The following TAB2 variants were observed in gnomAD, a reference collection of about 807,000 sequenced individuals.
The protein encoded by TAB2 is TGF-beta-activated kinase 1 and MAP3K7-binding protein 2.
Under a neutral mutation model 65.0 loss-of-function variants are expected in TAB2, and 3 were observed. The ratio of observed to expected loss-of-function variants is 0.05; its 90% confidence interval spans 0.02 to 0.12. The LOEUF is 0.12. Ranked by LOEUF, TAB2 falls within the 10% of genes least tolerant of loss-of-function variation. The pLI, the probability that TAB2 is intolerant of heterozygous loss-of-function variation, is 1.00. For missense variants in TAB2, 623 were observed against 840.3 expected, an observed-to-expected ratio of 0.74 and a Z score of 3.20; for synonymous variants, 298 against 285.1, an observed-to-expected ratio of 1.05 and a Z score of -0.46.
chr6:149,405,170 C>T (rs7775463), intron 6 of TAB2, among the ~76,000 whole-genome samples: 2 of 152,140 alleles, frequency 1.3e-5, no homozygotes, highest in African/African-American at 4.8e-5. Flanking sequence ...AAGGTACTCA[C>T]CCTCACTAAT....
intron 3 of TAB2, among the ~76,000 whole-genome samples, chr6:149,392,738 G>T (rs1282492182): frequency 6.6e-6 from 1 of 152,178 alleles, no homozygotes; most frequent in Non-Finnish European, 1.5e-5. Context: ...TTGGTGGATT[G>T]TACCTTTTTC....
intron 1 of TAB2, among the ~76,000 whole-genome samples, chr6:149,221,602 C>G (rs1353187581): frequency 6.6e-6 from 1 of 152,210 alleles, no homozygotes; most frequent in African/African-American, 2.4e-5. Context: ...CTTTTTCTGT[C>G]CCTGTCCTTC....
chr6:149,326,520 G>A (rs1321597304), intron 1 of TAB2, among the ~76,000 whole-genome samples: 1 of 151,116 alleles, frequency 6.6e-6, no homozygotes, highest in East Asian at 1.9e-4. Flanking sequence ...TAAGGTACAT[G>A]TTGGTCTTTT....
chr6:149,276,867 A>C (rs2114681645), intron 1 of TAB2, among the ~76,000 whole-genome samples: 1 of 152,298 alleles, frequency 6.6e-6, no homozygotes, highest in African/African-American at 2.4e-5. Context: ...TCCCCACCCA[A>C]ATATCATCTT....
rs751828894 is a variant in TAB2 at position 149,397,804 on chromosome 6, TGA to T, written c.1764+44_1764+45del. On this transcript the variant is annotated intron_variant, in intron 4 of 6. Coordinates refer to ENST00000637181, the MANE Select transcript of TAB2 (RefSeq NM_001292034.3). ...AACTGTTGTGATCTCTGCTTGAACA[TGA>T]GAGTAGGCCATCTAACATAAGTGTA... 4.1e-5 allele frequency: 66 copies of T among 1,608,512 alleles called. No homozygotes were observed. In the Middle Eastern group the frequency reaches 1.5e-3, roughly 37 times the overall value.
chr6:149,322,991 T>C (rs1162954949), intron 1 of TAB2, among the ~76,000 whole-genome samples: 1 of 152,160 alleles, frequency 6.6e-6, no homozygotes, highest in Non-Finnish European at 1.5e-5. Flanking sequence ...GCACCTCAAG[T>C]GCAGAACATG....
chr6:149,249,396 A>G (rs1169169085), intron 1 of TAB2, among the ~76,000 whole-genome samples: 2 of 151,908 alleles, frequency 1.3e-5, no homozygotes, highest in Non-Finnish European at 1.5e-5. Context: ...GACATCTCTA[A>G]GCAAAGGTGT....
chr6:149,290,308 G>T (rs1778753066), intron 1 of TAB2, among the ~76,000 whole-genome samples: 1 of 152,134 alleles, frequency 6.6e-6, no homozygotes, highest in Non-Finnish European at 1.5e-5. Context: ...CCTCGCTCTT[G>T]CAGGTCTTTG....
At chr6:149,253,635 A>G (rs1463105083) in intron 1 of TAB2, among the ~76,000 whole-genome samples, 26 of 127,590 alleles carry the variant, frequency 2.0e-4, no homozygotes, top group Admixed American at 3.7e-4. Context: ...AAAAAAAAAA[A>G]AAAGAAAGCC....
Position 149,378,702 on chromosome 6 carries a change from A to G in TAB2, c.787A>G (p.Asn263Asp). ...TCCCTGGACTACTTGTCCTGCATCT[A>G]ATCCTCTGTCACATACCTCATCTCA... ...PGPWTTCPAS[N>D]PLSHTSSQQP... The change falls in exon 3 of 7, where the codon AAT becomes GAT. Residue 263 changes from asparagine (N) to aspartate (D), a missense_variant. Asn to Asp is a conservative substitution (Grantham distance 23). Coordinates refer to ENST00000637181, the MANE Select transcript of TAB2 (RefSeq NM_001292034.3). 1 of 1,613,962 alleles carries G rather than the reference A, an allele frequency of 6.2e-7. No homozygotes were observed. Among genetic ancestry groups the G allele is most frequent in the South Asian group, 1.1e-5 (1 of 91,074 alleles).
chr6:149,343,670 CAG>C (rs1180889207), intron 1 of TAB2, among the ~76,000 whole-genome samples: 14 of 152,212 alleles, frequency 9.2e-5, no homozygotes, highest in African/African-American at 2.6e-4. Flanking sequence ...TACAAATAGT[CAG>C]AGTCATCCTG....
At chr6:149,251,865 C>A (rs1271624420) in intron 1 of TAB2, among the ~76,000 whole-genome samples, 1 of 152,106 alleles carries the variant, frequency 6.6e-6, no homozygotes, top group Admixed American at 6.5e-5. Flanking sequence ...CTTACTAATT[C>A]TAATTTTTAT....
chr6:149,404,083 A>G (rs888893274), intron 6 of TAB2, among the ~76,000 whole-genome samples: 29 of 152,330 alleles, frequency 1.9e-4, no homozygotes, highest in African/African-American at 6.7e-4. Flanking sequence ...AAAACCCTGA[A>G]GACTCCACCA....
At chr6:149,371,332 C>T (rs1355233921) in intron 2 of TAB2, among the ~76,000 whole-genome samples, 1 of 152,038 alleles carries the variant, frequency 6.6e-6, no homozygotes, top group Non-Finnish European at 1.5e-5. Flanking sequence ...TTGATTGTTC[C>T]CTGTGCCCTT....
At chr6:149,379,870 A>G (rs1781551937) in intron 3 of TAB2, 2 of 451,908 alleles carry the variant, frequency 4.4e-6, no homozygotes, top group Admixed American at 2.4e-5. Flanking sequence ...CCTAGAAATA[A>G]CGTTTTAATA....
At chr6:149,253,948 GAAAGAAAGAA>G (rs1315290326) in intron 1 of TAB2, among the ~76,000 whole-genome samples, 1 of 96,808 alleles carries the variant, frequency 1.0e-5, no homozygotes, top group Non-Finnish European at 2.2e-5. Context: ...GAAAGAGAAA[GAAAGAAAGAA>G]AAAGAAAGAA....
intron 1 of TAB2, among the ~76,000 whole-genome samples, chr6:149,267,104 A>C (rs1778277954): frequency 6.6e-6 from 1 of 152,144 alleles, no homozygotes; most frequent in Non-Finnish European, 1.5e-5. Flanking sequence ...AGGACCAGTG[A>C]ATGCCTGAAT....
chr6:149,405,641 C>A (rs1299687292), intron 6 of TAB2, among the ~76,000 whole-genome samples: 3 of 152,066 alleles, frequency 2.0e-5, no homozygotes, highest in African/African-American at 7.2e-5. Flanking sequence ...GTGACATAAG[C>A]CGGAGAAAGA....
chr6:149,239,413 C>T (rs1400217636), intron 1 of TAB2, among the ~76,000 whole-genome samples: 1 of 152,200 alleles, frequency 6.6e-6, no homozygotes, highest in Non-Finnish European at 1.5e-5. Flanking sequence ...CCAGCCACAA[C>T]ATCACTGTCA....
Sources: allele counts gnomAD v4.1 joint callset (sites outside exome capture counted in the v4.1 genomes callset), GRCh38; gene constraint gnomAD v4.1.1; transcripts MANE v1.5; gene names NCBI Gene and HGNC (gene_info 2026-07-23, HGNC 2026-07-21).